The following DNMT3A variants were observed in gnomAD, a reference collection of about 807,000 sequenced individuals.
DNMT3A encodes DNA methyltransferase 3 alpha.
A neutral mutation model predicts 117.6 loss-of-function variants in DNMT3A; 267 were observed. That is an observed-to-expected ratio of 2.27 (90% CI 2.05 to 2.51). The LOEUF (loss-of-function observed/expected upper bound fraction) is 2.51. Ranked by LOEUF, DNMT3A falls within the 30% of genes most tolerant of loss-of-function variation. The pLI, the probability that DNMT3A is intolerant of heterozygous loss-of-function variation, is 0.00. For synonymous variants in DNMT3A, 432 were observed against 474.8 expected, an observed-to-expected ratio of 0.91 and a Z score of 1.17; for missense variants, 1,029 against 1,260.2, an observed-to-expected ratio of 0.82 and a Z score of 2.78.
rs1238756129 is a variant in DNMT3A at position 25,252,116 on chromosome 2, G to C, written c.640-3864C>G. The C allele has an allele frequency of 2.6e-6, 4 of 1,523,240 alleles. No individual in the cohort carries two copies. Among genetic ancestry groups the C allele is most frequent in the Non-Finnish European group, 8.8e-7 (1 of 1,130,264 alleles). 94.4% of individuals were successfully genotyped at this position (1,523,240 alleles called of 1,614,324 possible). On this transcript the variant is annotated intron_variant, in intron 6 of 22. Coordinates refer to ENST00000321117, the MANE Select transcript of DNMT3A (RefSeq NM_022552.5). This position sits in a 1 kb window ranked among gnomAD's most constrained non-coding sequence, Gnocchi z 5.5. ...GCATACTTCACTCTTTTCAAACCCGGAGGGCTGCGGAGATCCTCCCACCGG... is the reference window on the plus strand; with the variant it reads ...GCATACTTCACTCTTTTCAAACCCGCAGGGCTGCGGAGATCCTCCCACCGG...
At chr2:25,248,857 GTTT>G (rs944810532) in intron 6 of DNMT3A, among the ~76,000 whole-genome samples, 1 of 148,942 alleles carries the variant, frequency 6.7e-6, no homozygotes, top group African/African-American at 2.5e-5. Context: ...CTACGTTAAT[GTTT>G]TTTTTTTAAT....
intron 3 of DNMT3A, among the ~76,000 whole-genome samples, chr2:25,289,147 C>T (rs2032557501): frequency 2.0e-5 from 3 of 151,722 alleles, no homozygotes; most frequent in Admixed American, 2.0e-4. Context: ...CTCTGTTGCC[C>T]AGGCGAGTGC....
chr2:25,340,225 C>T (rs1303605459), intron 1 of DNMT3A, among the ~76,000 whole-genome samples: 1 of 152,136 alleles, frequency 6.6e-6, no homozygotes, highest in Non-Finnish European at 1.5e-5. Flanking sequence ...GGGCTCCCCT[C>T]AGGAGCCGGG....
chr2:25,232,373 C>A lies in DNMT3A; in HGVS notation c.*1906G>T, dbSNP rs1211414071. 1.3e-5 allele frequency: 2 copies of A among 152,266 alleles called. No individual in the cohort carries two copies. The highest frequency in any genetic ancestry group is 2.9e-5 in the Non-Finnish European group (2 of 68,058). The allele number at this position is 152,266 out of a possible 1,614,324, so 9.4% of individuals were successfully genotyped here. On this transcript the variant is annotated 3_prime_UTR_variant, in exon 23 of 23. Coordinates refer to ENST00000321117, the MANE Select transcript of DNMT3A (RefSeq NM_022552.5). This position sits in a 1 kb window ranked among gnomAD's most constrained non-coding sequence, Gnocchi z 4.1. Reference sequence around the variant, plus strand: ...CCTTCCTACTACTGACGCCAGGCCGCCTGCCTTGTAGGAAGTAGAACAAAG... The same window carrying A: ...CCTTCCTACTACTGACGCCAGGCCGACTGCCTTGTAGGAAGTAGAACAAAG...
intron 2 of DNMT3A, among the ~76,000 whole-genome samples, chr2:25,301,292 A>G (rs1019992203): frequency 6.6e-6 from 1 of 152,182 alleles, no homozygotes; most frequent in Non-Finnish European, 1.5e-5. Flanking sequence ...AAATCAAGTG[A>G]AAAGAAATAT....
chr2:25,275,416 C>A, intron 5 of DNMT3A, 84 bp downstream of exon 5: 1 of 1,441,366 alleles, frequency 6.9e-7, no homozygotes, highest in African/African-American at 1.5e-5. Flanking sequence ...AGGGGCCCAC[C>A]CTCCGCCCCC....
intron 16 of DNMT3A, among the ~76,000 whole-genome samples, chr2:25,242,429 T>C (rs1490842420): frequency 6.6e-6 from 1 of 152,172 alleles, no homozygotes; most frequent in Non-Finnish European, 1.5e-5. Context: ...CGGCACTGTT[T>C]CTGCTGCTCC....
rs1438415558 is a variant in DNMT3A, at chr2:25,246,766, C to T, written c.1133G>A (p.Ser378Asn). ...AIYEVLQVAS[S>N]RAGKLFPVCH... ...CACCGGGAACAGCTTCCCCGCGCGG[C>T]TGCTGGCCACCTGGAGGGTGACACG... is the stretch of plus-strand genomic sequence containing the variant. Residue 378 changes from serine to asparagine, a missense_variant, in exon 10 of 23, where the codon AGC (serine) becomes AAC (asparagine). Transcript: ENST00000321117. 6.2e-7 allele frequency: 1 copy of T among 1,613,318 alleles called. No homozygotes were observed. The highest frequency in any genetic ancestry group is 8.5e-7 in the Non-Finnish European group (1 of 1,180,002).
intron 1 of DNMT3A, among the ~76,000 whole-genome samples, chr2:25,323,570 G>A (rs1402810641): frequency 6.6e-5 from 10 of 152,158 alleles, no homozygotes; most frequent in Non-Finnish European, 1.0e-4. Context: ...ACCTCACAGC[G>A]CTGCTGTGAA....
chr2:25,327,424 A>C lies in DNMT3A; in HGVS notation c.-177-13263T>G, dbSNP rs2034828876. ...ACTCAACAGCCATTTCTTGAGTGCC[A>C]TTGTGGAGCCGGGCCCTGGAGTGAA... On this transcript the variant is annotated intron_variant, in intron 1 of 22. Coordinates refer to ENST00000321117, the MANE Select transcript of DNMT3A (RefSeq NM_022552.5). This position sits in a 1 kb window ranked among gnomAD's most constrained non-coding sequence, Gnocchi z 4.1. Among the ~76,000 whole-genome samples, 1 of 152,036 alleles carries C rather than the reference A, an allele frequency of 6.6e-6. No individual in the cohort carries two copies. The highest frequency in any genetic ancestry group is 6.6e-5 in the Admixed American group (1 of 15,262).
chr2:25,237,446 C>T lies in DNMT3A; in HGVS notation c.2409-441G>A, dbSNP rs1024897491. Among the ~76,000 whole-genome samples, 5 of 152,134 alleles carry T rather than the reference C, an allele frequency of 3.3e-5. No individual in the cohort carries two copies. Among genetic ancestry groups the T allele is most frequent in the African/African-American group, 9.7e-5 (4 of 41,430 alleles). On this transcript the variant is annotated intron_variant, in intron 20 of 22. Coordinates refer to ENST00000321117, the MANE Select transcript of DNMT3A (RefSeq NM_022552.5). This position sits in a 1 kb window ranked among gnomAD's most constrained non-coding sequence, Gnocchi z 5.4. ...GTCCACTGGATGAAATTAATCAAAC[C>T]GCAAGCCTTAAATGTACTGCTTTAA...
At position 25,281,100 on chromosome 2, in the gene DNMT3A, A is replaced by G. The variant is rs778798697; in HGVS notation, c.448+1341T>C. 1.3e-5 allele frequency among the ~76,000 whole-genome samples: 2 copies of G among 152,088 alleles called. No homozygotes were observed. The highest frequency in any genetic ancestry group is 2.4e-5 in the African/African-American group (1 of 41,402). ...TTTCCTCATCTGTTTCACTCCCCTC[A>G]GGCCCTTCCCACTCTCGGGAAGTAT... is the stretch of plus-strand genomic sequence containing the variant. On this transcript the variant is annotated intron_variant, in intron 4 of 22. Coordinates refer to ENST00000321117, the MANE Select transcript of DNMT3A (RefSeq NM_022552.5). This position sits in a 1 kb window ranked among gnomAD's most constrained non-coding sequence, Gnocchi z 4.8.
At position 25,240,379 on chromosome 2, in the gene DNMT3A, G is replaced by T; in HGVS notation, c.2245C>A (p.Arg749Ser). The T allele has an allele frequency of 1.9e-6, 3 of 1,614,000 alleles. No homozygotes were observed. The highest frequency in any genetic ancestry group is 2.5e-6 in the Non-Finnish European group (3 of 1,179,924). The part of the protein sequence containing the change: ...HDARPKEGDD[R>S]PFFWLFENVV... ...TTCTCAAAGAGCCAGAAGAAGGGGC[G>T]ATCATCTCCCTCCTTGGGCCGCGCA... Residue 749 changes from arginine to serine, a missense_variant, in exon 19 of 23, where the codon CGC becomes AGC. Coordinates refer to ENST00000321117, the MANE Select transcript of DNMT3A (RefSeq NM_022552.5).
At position 25,247,564 on chromosome 2, in the gene DNMT3A, A is replaced by G. The variant is rs1339209419; in HGVS notation, c.1014+27T>C. ...GGGATCAAGAACCTTCCCCCACCCC[A>G]GGCTACTGCCAAACCCCACAACTTA... is the stretch of plus-strand genomic sequence containing the variant. On this transcript the variant is annotated intron_variant, in intron 8 of 22. Transcript: ENST00000321117. This position sits in a 1 kb window ranked among gnomAD's most constrained non-coding sequence, Gnocchi z 5.6. 2 of 1,608,628 alleles carry G rather than the reference A, an allele frequency of 1.2e-6. No homozygotes were observed. The highest frequency in any genetic ancestry group is 1.7e-5 in the Admixed American group (1 of 59,516).
rs1388447857 is a variant in DNMT3A, at chr2:25,293,445, C to T, written c.177+6694G>A. Among the ~76,000 whole-genome samples the T allele has an allele frequency of 6.6e-6, 1 of 152,188 alleles. No individual in the cohort carries two copies. Among genetic ancestry groups the T allele is most frequent in the Non-Finnish European group, 1.5e-5 (1 of 68,034 alleles). On this transcript the variant is annotated intron_variant, in intron 3 of 22. Transcript: ENST00000321117. This position sits in a 1 kb window ranked among gnomAD's most constrained non-coding sequence, Gnocchi z 4.7. ...TTTCAGAGAGGATAAAGAGTAAAAG[C>T]CCCTCAGGCTGCCTGCAAACTACCT... is the stretch of plus-strand genomic sequence containing the variant.
At position 25,252,978 on chromosome 2, in the gene DNMT3A, G is replaced by A. The variant is rs1675776705; in HGVS notation, c.640-4726C>T. ...GCGCGGCGTGAGGAGGTCAGGCTTC[G>A]AGTCCCAGGGCCCCTGCGTCACTCT... On this transcript the variant is annotated intron_variant, in intron 6 of 22. Transcript: ENST00000321117. The surrounding 1 kb of genome is among the most constrained non-coding windows in gnomAD (Gnocchi z 5.5). Among the ~76,000 whole-genome samples the A allele has an allele frequency of 6.6e-6, 1 of 152,068 alleles. No homozygotes were observed. Among genetic ancestry groups the A allele is most frequent in the South Asian group, 2.1e-4 (1 of 4,830 alleles).
rs1368522288 is a variant in DNMT3A, at chr2:25,246,241, G to A, written c.1348C>T (p.Pro450Ser). The change falls in exon 11 of 23, where the codon CCA becomes TCA. Residue 450 changes from proline to serine, a missense_variant. Pro to Ser is a moderately conservative substitution (Grantham distance 74). Coordinates refer to ENST00000321117, the MANE Select transcript of DNMT3A (RefSeq NM_022552.5). ...WVEPEAAAYA[P>S]PPPAKKPRKS... is the part of the protein sequence containing the mutation. Reference sequence around the variant, plus strand: ...CGGGGCTTTTTGGCTGGTGGAGGTGGTGCGTAGGCAGCTGCCTCAGGTTCC... The same window carrying A: ...CGGGGCTTTTTGGCTGGTGGAGGTGATGCGTAGGCAGCTGCCTCAGGTTCC... The A allele has an allele frequency of 1.2e-6, 2 of 1,614,032 alleles. No homozygotes were observed. Among genetic ancestry groups the A allele is most frequent in the African/African-American group, 2.7e-5 (2 of 74,912 alleles).
In DNMT3A at chr2:25,293,046, A is replaced by C. The variant is rs2149395812; in HGVS notation, c.177+7093T>G. ...AAAAGGAGATTCTGAGATTCTACTT[A>C]AATGCTCCCCAAGTAAGACCAGCTA... is the stretch of plus-strand genomic sequence containing the variant. On this transcript the variant is annotated intron_variant, in intron 3 of 22. Coordinates refer to ENST00000321117, the MANE Select transcript of DNMT3A (RefSeq NM_022552.5). The surrounding 1 kb of genome is among the most constrained non-coding windows in gnomAD (Gnocchi z 4.7). Among the ~76,000 whole-genome samples, 1 of 151,776 alleles carries C rather than the reference A, an allele frequency of 6.6e-6. No individual in the cohort carries two copies. Among genetic ancestry groups the C allele is most frequent in the Non-Finnish European group, 1.5e-5 (1 of 67,988 alleles).
At chr2:25,285,829 A>G (rs77764684) in intron 3 of DNMT3A, among the ~76,000 whole-genome samples, 346 of 152,278 alleles carry the variant, frequency 2.3e-3, no homozygotes, top group African/African-American at 8.2e-3. Flanking sequence ...TCACCCTTCA[A>G]GGCTCAGTCA....
Sources: allele counts gnomAD v4.1 joint callset (sites outside exome capture counted in the v4.1 genomes callset), GRCh38; gene constraint gnomAD v4.1.1; non-coding constraint Gnocchi (gnomAD v3.1); transcripts MANE v1.5; gene names NCBI Gene and HGNC (gene_info 2026-07-23, HGNC 2026-07-21).